The following ZFP90 variants were observed in gnomAD, a reference collection of about 807,000 sequenced individuals.
The protein encoded by ZFP90 is zinc finger protein 90 homolog.
A neutral mutation model predicts 60.8 loss-of-function variants in ZFP90; 38 were observed. That is an observed-to-expected ratio of 0.62 (90% CI 0.48 to 0.82). The LOEUF is 0.82. Ranked by LOEUF, ZFP90 falls within the 40% of genes least tolerant of loss-of-function variation. The probability of loss-of-function intolerance (pLI) is 0.00; values close to 1 mark genes in which losing one functional copy is unlikely to be tolerated. For missense variants in ZFP90, 711 were observed against 759.1 expected, an observed-to-expected ratio of 0.94 and a Z score of 0.74; for synonymous variants, 287 against 264.8, an observed-to-expected ratio of 1.08 and a Z score of -0.82.
chr16:68,537,024 C>T (rs1459238280), upstream of ZFP90, among the ~76,000 whole-genome samples: 1 of 152,160 alleles, frequency 6.6e-6, no homozygotes, highest in African/African-American at 2.4e-5. Context: ...CTATCTGTTC[C>T]TAAGCACACC....
At chr16:68,536,224 C>T (rs1006861054), upstream of ZFP90, among the ~76,000 whole-genome samples, 1 of 152,200 alleles carries the variant, frequency 6.6e-6, no homozygotes, top group African/African-American at 2.4e-5. Context: ...TTTGAGTGCT[C>T]TTTCTCACAT....
chr16:68,562,143 A>T (rs1567409090), intron 4 of ZFP90: 1 of 152,178 alleles, frequency 6.6e-6, no homozygotes, highest in East Asian at 1.9e-4. Flanking sequence ...CTAGAATTCA[A>T]TTTTTTTCAG....
downstream of ZFP90, among the ~76,000 whole-genome samples, chr16:68,569,776 CAAAA>C (rs930545523): frequency 2.0e-5 from 3 of 151,970 alleles, no homozygotes; most frequent in African/African-American, 7.3e-5. Context: ...AACGTGGTCT[CAAAA>C]AAATAATTTT....
At chr16:68,561,190 C>T (rs894576554) in intron 4 of ZFP90, among the ~76,000 whole-genome samples, 1 of 152,222 alleles carries the variant, frequency 6.6e-6, no homozygotes, top group Non-Finnish European at 1.5e-5. Context: ...CCACTGCGCC[C>T]AGCCTAATGC....
At chr16:68,554,009 A>G (rs1456622140) in intron 2 of ZFP90, among the ~76,000 whole-genome samples, 1 of 152,110 alleles carries the variant, frequency 6.6e-6, no homozygotes, top group Non-Finnish European at 1.5e-5. Flanking sequence ...GGAGAGATGA[A>G]CTAGGAGGTT....
intron 2 of ZFP90, among the ~76,000 whole-genome samples, chr16:68,542,506 G>C (rs573339001): frequency 6.6e-6 from 1 of 152,044 alleles, no homozygotes; most frequent in Non-Finnish European, 1.5e-5. Flanking sequence ...CAGGAGAATC[G>C]CTTGAACCTG....
At position 68,566,179 on chromosome 16, in the gene ZFP90, A is replaced by G. The variant is rs2091523943; in HGVS notation, c.*1481A>G. 3 of 985,464 alleles carry G rather than the reference A, an allele frequency of 3.0e-6. No homozygotes were observed. The highest frequency in any genetic ancestry group is 4.7e-5 in the South Asian group (1 of 21,282). 61.0% of individuals were successfully genotyped at this position (985,464 alleles called of 1,614,324 possible). On this transcript the variant is annotated 3_prime_UTR_variant, in exon 5 of 5. Transcript: ENST00000563169. ...AATGCTTTTCTATTAGTAAAGCATCAGCTAAGCTTCAGTGGCCTGCTCCAT... is the reference window on the plus strand; with the variant it reads ...AATGCTTTTCTATTAGTAAAGCATCGGCTAAGCTTCAGTGGCCTGCTCCAT...
At chr16:68,576,254 ACT>A (rs1219767441), downstream of ZFP90, among the ~76,000 whole-genome samples, 1 of 151,922 alleles carries the variant, frequency 6.6e-6, no homozygotes, top group Non-Finnish European at 1.5e-5. Flanking sequence ...TTCCTGTAAG[ACT>A]CTACTCACAA....
At chr16:68,548,679 G>A (rs2091199690) in intron 2 of ZFP90, among the ~76,000 whole-genome samples, 1 of 151,708 alleles carries the variant, frequency 6.6e-6, no homozygotes, top group African/African-American at 2.4e-5. Context: ...TAGTAGAGAT[G>A]GGGTTTCTCC....
intron 2 of ZFP90, among the ~76,000 whole-genome samples, chr16:68,540,672 CA>C (rs1485033258): frequency 6.6e-6 from 1 of 151,866 alleles, no homozygotes; most frequent in African/African-American, 2.4e-5. Flanking sequence ...AAGATCAATT[CA>C]AATAAAAATA....
In ZFP90 at chr16:68,563,486, TA is replaced by T; in HGVS notation, c.702del (p.Gly235GlufsTer179). Reference protein sequence around the residue: ...SSLTKHEKTHKGEGAFPNGTD... With the variant: ...SSLTKHEKTHXGEGAFPNGTD... ...CGCTTACTAAACATGAGAAAACACA[TA>T]AAGGAGAGGGAGCTTTCCCTAATGG... On this transcript the variant is annotated frameshift_variant, in exon 5 of 5. Transcript: ENST00000563169. LOFTEE classifies it high-confidence loss of function. The T allele has an allele frequency of 6.2e-7, 1 of 1,614,062 alleles. No individual in the cohort carries two copies. Among genetic ancestry groups the T allele is most frequent in the Non-Finnish European group, 8.5e-7 (1 of 1,180,004 alleles).
intron 2 of ZFP90, among the ~76,000 whole-genome samples, chr16:68,545,714 C>T (rs1284448398): frequency 3.3e-5 from 5 of 152,180 alleles, no homozygotes; most frequent in Admixed American, 2.0e-4. Context: ...ACTCGGGAGG[C>T]TGAGGCAGAA....
chr16:68,539,669 A>G, intron 1 of ZFP90, 89 bp from the exon 2 acceptor site: 1 of 922,388 alleles, frequency 1.1e-6, no homozygotes. Flanking sequence ...TCCCCTGGAG[A>G]TGTGGTTTAG....
chr16:68,555,558 A>G (rs901792685), intron 2 of ZFP90, among the ~76,000 whole-genome samples: 12 of 152,246 alleles, frequency 7.9e-5, no homozygotes, highest in African/African-American at 2.7e-4. Flanking sequence ...TGAGTCAGGT[A>G]CTTGCTGGAC....
Position 68,558,662 on chromosome 16 carries a change from C to T in ZFP90, c.256+94C>T. The T allele has an allele frequency of 3.6e-6, 4 of 1,114,540 alleles. No individual in the cohort carries two copies. The South Asian group carries it at 5.4e-5, about 15-fold the overall frequency. 69.0% of individuals were successfully genotyped at this position (1,114,540 alleles called of 1,614,324 possible). The stretch of plus-strand genomic sequence containing the variant: ...CCCTCCAGCAGCTGGCTTGCGATCT[C>T]CTAGATCTGCATAGGAGGCTGAAGC... On this transcript the variant is annotated intron_variant, in intron 4 of 4. Coordinates refer to ENST00000563169, the MANE Select transcript of ZFP90 (RefSeq NM_001305203.2).
At chr16:68,539,515 G>A (rs1378460415) in intron 1 of ZFP90, 36 bp downstream of exon 1, 4 of 476,876 alleles carry the variant, frequency 8.4e-6, no homozygotes, top group South Asian at 3.6e-5. Flanking sequence ...CCTGGGTTTG[G>A]CGGGTGTCAG....
At chr16:68,569,594 T>C (rs1223968220), downstream of ZFP90, among the ~76,000 whole-genome samples, 1 of 152,088 alleles carries the variant, frequency 6.6e-6, no homozygotes, top group African/African-American at 2.4e-5. Flanking sequence ...CCTAGTTAAC[T>C]GAGAACAAGA....
intron 2 of ZFP90, among the ~76,000 whole-genome samples, chr16:68,546,208 A>T (rs776198744): frequency 2.6e-5 from 4 of 152,234 alleles, no homozygotes; most frequent in Non-Finnish European, 2.9e-5. Context: ...GTATGTGAGC[A>T]TATATAATAT....
chr16:68,541,058 G>A (rs2091039962), intron 2 of ZFP90, among the ~76,000 whole-genome samples: 1 of 150,842 alleles, frequency 6.6e-6, no homozygotes, highest in East Asian at 2.0e-4. Flanking sequence ...TATTTTTTGA[G>A]ACAGTCTCAT....
Sources: allele counts gnomAD v4.1 joint callset (sites outside exome capture counted in the v4.1 genomes callset), GRCh38; gene constraint gnomAD v4.1.1; transcripts MANE v1.5; gene names NCBI Gene and HGNC (gene_info 2026-07-23, HGNC 2026-07-21).